GRIK5: variants seen among roughly 807,000 people sequenced by gnomAD.
GRIK5 encodes the protein glutamate ionotropic receptor kainate type subunit 5.
In GRIK5, 43 loss-of-function variants were observed where a neutral mutation model predicts 97.4. The ratio of observed to expected loss-of-function variants is 0.44; its 90% CI spans 0.35 to 0.57. The LOEUF is 0.57. Ranked by LOEUF, GRIK5 falls within the 20% of genes least tolerant of loss-of-function variation. The pLI, the probability that GRIK5 is intolerant of heterozygous loss-of-function variation, is 0.01. For missense variants in GRIK5, 1,015 were observed against 1,382.0 expected (o/e 0.73, Z 4.21); for synonymous variants, 580 against 583.5 (o/e 0.99, Z 0.09).
At chr19:42,033,329 A>AC (rs1342018369) in intron 12 of GRIK5, among the ~76,000 whole-genome samples, 1 of 151,984 alleles carries the variant, frequency 6.6e-6, no homozygotes, top group Non-Finnish European at 1.5e-5. Context: ...AAAAAAAAAA[A>AC]AAAAAAAAAA....
At chr19:42,013,447 T>C (rs2075588949) in intron 15 of GRIK5, among the ~76,000 whole-genome samples, 2 of 146,854 alleles carry the variant, frequency 1.4e-5, no homozygotes, top group South Asian at 4.5e-4. Context: ...TCTTGCTCTG[T>C]CGCCCAGGCT....
intron 17 of GRIK5, among the ~76,000 whole-genome samples, chr19:42,004,001 C>G (rs2075457120): frequency 6.6e-6 from 1 of 152,208 alleles, no homozygotes; most frequent in African/African-American, 2.4e-5. Context: ...AGCCTCCTGG[C>G]TGCTCCCCAA....
At chr19:42,013,604 G>T (rs2075591351) in intron 15 of GRIK5, among the ~76,000 whole-genome samples, 1 of 151,676 alleles carries the variant, frequency 6.6e-6, no homozygotes, top group South Asian at 2.1e-4. Context: ...TAGAGACAGG[G>T]TTTCACCATG....
Position 42,003,677 on chromosome 19 carries a change from G to A in GRIK5, c.2270C>T (p.Pro757Leu), listed in dbSNP as rs782307521. The A allele has an allele frequency of 3.7e-6, 6 of 1,609,774 alleles. No homozygotes were observed. Among genetic ancestry groups the A allele is most frequent in the African/African-American group, 1.3e-5 (1 of 74,886 alleles). Residue 757 changes from proline (P) to leucine (L), a missense_variant, in exon 18 of 20, where the codon CCG becomes CTG. Transcript: ENST00000593562. This position sits in a 1 kb window ranked among gnomAD's most constrained non-coding sequence, Gnocchi z 4.2. ...GYGIGMPLGS[P>L]FRDEITLAIL... ...GGCCAGTGTGATCTCATCCCGGAAC[G>A]GGGAGCCTGGGCAGGCACACGAGGG...
At position 41,999,731 on chromosome 19, in the gene GRIK5, C is replaced by G. The variant is rs1464559615; in HGVS notation, c.2515-432G>C. The stretch of plus-strand genomic sequence containing the variant: ...ACTGGGGATATGGCAGAGAAGGAAA[C>G]AGACAGAAGTCCCAGCCCTCGTGGA... On this transcript the variant is annotated intron_variant, in intron 19 of 19. Transcript: ENST00000593562. The surrounding 1 kb of genome is among the most constrained non-coding windows in gnomAD (Gnocchi z 5.0). 6.6e-6 allele frequency among the ~76,000 whole-genome samples: 1 copy of G among 152,182 alleles called. No individual in the cohort carries two copies. Among genetic ancestry groups the G allele is most frequent in the Non-Finnish European group, 1.5e-5 (1 of 68,036 alleles).
At chr19:42,039,200 A>G (rs935602983) in intron 12 of GRIK5, among the ~76,000 whole-genome samples, 1 of 152,056 alleles carries the variant, frequency 6.6e-6, no homozygotes, top group African/African-American at 2.4e-5. Context: ...GTGGCCGGGC[A>G]TGGTGGCTCA....
intron 15 of GRIK5, among the ~76,000 whole-genome samples, chr19:42,017,410 T>C (rs2146039439): frequency 6.6e-6 from 1 of 152,350 alleles, no homozygotes. Flanking sequence ...AAATTGATTT[T>C]TTACAAATTA....
At chr19:42,052,915 G>T (rs1205669443) in intron 11 of GRIK5, among the ~76,000 whole-genome samples, 3 of 152,208 alleles carry the variant, frequency 2.0e-5, no homozygotes, top group Non-Finnish European at 4.4e-5. Flanking sequence ...ACCCTCAAAA[G>T]GGGGAAATAA....
At chr19:42,001,710 A>T (rs1471642244) in intron 19 of GRIK5, 1 of 193,876 alleles carries the variant, frequency 5.2e-6, no homozygotes, top group Non-Finnish European at 1.1e-5. Flanking sequence ...TCAGAGACCC[A>T]TGGCAGCCAG....
rs144411583 is a variant in GRIK5 at position 42,065,485 on chromosome 19, C to T, written c.80-98G>A. The T allele has an allele frequency of 4.5e-4, 574 of 1,284,244 alleles. 2 individuals carry two copies. Among genetic ancestry groups the T allele is most frequent in the Non-Finnish European group, 5.0e-4 (471 of 937,156 alleles). 79.6% of individuals were successfully genotyped at this position (1,284,244 alleles called of 1,614,324 possible). A position where few individuals can be genotyped will look rare whatever the true frequency, so the allele number is the denominator to read the frequency against. ...AGGGCTCTAGGGTGAGGTGGGTATA[C>T]GGACCAGGGGTCTAGACACCTGGAT... On this transcript the variant is annotated intron_variant, in intron 2 of 19. Coordinates refer to ENST00000593562, the MANE Select transcript of GRIK5 (RefSeq NM_002088.5). This position sits in a 1 kb window ranked among gnomAD's most constrained non-coding sequence, Gnocchi z 5.8.
intron 19 of GRIK5, among the ~76,000 whole-genome samples, chr19:42,001,408 C>T (rs1599737548): frequency 6.6e-6 from 1 of 152,152 alleles, no homozygotes; most frequent in East Asian, 1.9e-4. Context: ...TTTGTGTTTT[C>T]AGTAGAGACA....
chr19:42,062,543 T>A lies in GRIK5; in HGVS notation c.453A>T (p.Arg151=). Residue 151 remains arginine, a synonymous_variant, in exon 5 of 20, where the codon CGA becomes CGT. Coordinates refer to ENST00000593562, the MANE Select transcript of GRIK5 (RefSeq NM_002088.5). The surrounding 1 kb of genome is among the most constrained non-coding windows in gnomAD (Gnocchi z 5.3). ...AGGGGTAGTTGAAGGACTTGAGGATTCGGGAGACCGCCAAGCTGACGTCCT... is the reference window on the plus strand; with the variant it reads ...AGGGGTAGTTGAAGGACTTGAGGATACGGGAGACCGCCAAGCTGACGTCCT... ...SNEDVSLAVS[R]ILKSFNYPSA... is the part of the protein sequence containing the mutation. 4 of 1,614,116 alleles carry A rather than the reference T, an allele frequency of 2.5e-6. No homozygotes were observed. The highest frequency in any genetic ancestry group is 3.4e-6 in the Non-Finnish European group (4 of 1,180,010).
intron 11 of GRIK5, among the ~76,000 whole-genome samples, chr19:42,052,072 G>A: frequency 6.6e-6 from 1 of 152,168 alleles, no homozygotes; most frequent in Non-Finnish European, 1.5e-5. Context: ...TGTGCTTCTA[G>A]AATGTAAGGG....
chr19:42,038,850 C>T lies in GRIK5; in HGVS notation c.1473+3702G>A, dbSNP rs186577217. ...TGGTGACTATTCCTGTGCAGCTCGG[C>T]ACACTCGGCTATCCCACAGCAGGGC... On this transcript the variant is annotated intron_variant, in intron 12 of 19. Coordinates refer to ENST00000593562, the MANE Select transcript of GRIK5 (RefSeq NM_002088.5). Among the ~76,000 whole-genome samples, 532 of 152,310 alleles carry T rather than the reference C, an allele frequency of 3.5e-3. 5 individuals carry two copies. Among genetic ancestry groups the T allele is most frequent in the African/African-American group, 0.012 (516 of 41,572 alleles).
chr19:42,062,993 C>A lies in GRIK5; in HGVS notation c.245-138G>T. 1 of 658,848 alleles carries A rather than the reference C, an allele frequency of 1.5e-6. No individual in the cohort carries two copies. The highest frequency in any genetic ancestry group is 1.7e-5 in the South Asian group (1 of 57,380). The allele number at this position is 658,848 out of a possible 1,614,324, so 40.8% of individuals were successfully genotyped here. A position where few individuals can be genotyped will look rare whatever the true frequency, so the allele number is the denominator to read the frequency against. Reference sequence around the variant, plus strand: ...TGATCCTCTTCTGCCATCCGGGACCCAGAAGGCCAGTCTCTGACCCCACCC... The same window carrying A: ...TGATCCTCTTCTGCCATCCGGGACCAAGAAGGCCAGTCTCTGACCCCACCC... On this transcript the variant is annotated intron_variant, in intron 3 of 19. Transcript: ENST00000593562. This position sits in a 1 kb window ranked among gnomAD's most constrained non-coding sequence, Gnocchi z 5.3.
At chr19:42,052,870 C>T (rs2076134830) in intron 11 of GRIK5, among the ~76,000 whole-genome samples, 1 of 152,232 alleles carries the variant, frequency 6.6e-6, no homozygotes, top group Non-Finnish European at 1.5e-5. Flanking sequence ...CTGACACTAG[C>T]TCTGCCGGGG....
In GRIK5 at chr19:42,003,434, A is replaced by G. The variant is rs782161400; in HGVS notation, c.2412T>C (p.Ile804=). Residue 804 remains isoleucine (I), a synonymous_variant, in exon 19 of 20, where the codon ATT becomes ATC. Transcript: ENST00000593562. This position sits in a 1 kb window ranked among gnomAD's most constrained non-coding sequence, Gnocchi z 4.2. ...AGATGAGCACGATAAAAATGCCACC[A>G]ATGTTCTCCATGCCCAAACCTGGAG... ...HRAKGLGMEN[I]GGIFIVLICG... 1.9e-6 allele frequency: 3 copies of G among 1,613,890 alleles called. No homozygotes were observed. The highest frequency in any genetic ancestry group is 2.5e-6 in the Non-Finnish European group (3 of 1,179,904).
intron 11 of GRIK5, among the ~76,000 whole-genome samples, chr19:42,045,981 C>A (rs2146117449): frequency 6.6e-6 from 1 of 152,242 alleles, no homozygotes; most frequent in South Asian, 2.1e-4. Flanking sequence ...GACGAGGGAC[C>A]CAGGTTGGGT....
Position 42,006,722 on chromosome 19 carries a change from A to G in GRIK5, c.1960T>C (p.Ser654Pro). ...TVQRMEVPVESADDLADQTNI... is the reference protein window; with the variant it reads ...TVQRMEVPVEPADDLADQTNI... ...GTCTGATCTGCCAGGTCATCGGCCG[A>G]CTCCACAGGCACCTCCATGCGCTGC... Residue 654 changes from serine to proline, a missense_variant, in exon 16 of 20, where the codon TCG becomes CCG. By Grantham distance (74) the Ser-to-Pro change is moderately conservative. Around this residue, in one of 5 missense-constraint regions of GRIK5, gnomAD observed 477 missense variants for 701.1 expected, o/e 0.68. Coordinates refer to ENST00000593562, the MANE Select transcript of GRIK5 (RefSeq NM_002088.5). The surrounding 1 kb of genome is among the most constrained non-coding windows in gnomAD (Gnocchi z 5.3). The G allele has an allele frequency of 6.2e-7, 1 of 1,613,580 alleles. No individual in the cohort carries two copies. The highest frequency in any genetic ancestry group is 8.5e-7 in the Non-Finnish European group (1 of 1,179,786).
Sources: allele counts gnomAD v4.1 joint callset (sites outside exome capture counted in the v4.1 genomes callset), GRCh38; gene constraint gnomAD v4.1.1; regional missense constraint gnomAD v4.1.1; non-coding constraint Gnocchi (gnomAD v3.1); transcripts MANE v1.5; gene names NCBI Gene and HGNC (gene_info 2026-07-23, HGNC 2026-07-21).